ULK4: variants seen among roughly 807,000 people sequenced by gnomAD.
The protein encoded by ULK4 is unc-51 like kinase 4.
ULK4 carries 133 observed loss-of-function variants against 160.6 expected under a neutral mutation model. That is an observed-to-expected ratio of 0.83 (90% CI 0.72 to 0.96). The LOEUF (loss-of-function observed/expected upper bound fraction) is 0.96, where lower values mean the gene tolerates loss of function less well. Among genes scored for constraint, ULK4 ranks in the 40% least tolerant of loss-of-function variants. ULK4 has a pLI of 0.00. For missense variants in ULK4, 1,580 were observed against 1,499.5 expected (o/e 1.05, Z -0.89); for synonymous variants, 534 against 539.8 (o/e 0.99, Z 0.15).
chr3:41,697,678 C>T (rs964472502), intron 27 of ULK4, among the ~76,000 whole-genome samples: 8 of 152,134 alleles, frequency 5.3e-5, no homozygotes, highest in Non-Finnish European at 7.4e-5. Flanking sequence ...CATAGAGTCT[C>T]GCTATGTTGC....
At chr3:41,684,569 C>T (rs1407522437) in intron 27 of ULK4, among the ~76,000 whole-genome samples, 3 of 152,332 alleles carry the variant, frequency 2.0e-5, no homozygotes, top group South Asian at 2.1e-4. Flanking sequence ...CATAAGCACA[C>T]GTTCTTTGTC....
At chr3:41,717,218 A>T (rs1368874733) in intron 23 of ULK4, among the ~76,000 whole-genome samples, 1 of 152,196 alleles carries the variant, frequency 6.6e-6, no homozygotes, top group Non-Finnish European at 1.5e-5. Flanking sequence ...ATCACTATGC[A>T]TTTTATACAT....
chr3:41,938,173 G>T lies in ULK4; in HGVS notation c.163C>A (p.His55Asn). The T allele has an allele frequency of 6.2e-7, 1 of 1,612,746 alleles. No homozygotes were observed. The highest frequency in any genetic ancestry group is 8.5e-7 in the Non-Finnish European group (1 of 1,179,450). Residue 55 changes from histidine (H) to asparagine (N), a missense_variant, in exon 3 of 37, where the codon CAC becomes AAC. By Grantham distance (68) the His-to-Asn change is moderately conservative. Transcript: ENST00000301831. ...NWVRLTREIK[H>N]KNIVTFHEWY... ...TCATGAAAAGTTACAATATTCTTGT[G>T]TTTTATTTCACGGGTGAGACGGACC...
At chr3:41,670,568 T>C (rs771417888) in intron 29 of ULK4, among the ~76,000 whole-genome samples, 2 of 151,994 alleles carry the variant, frequency 1.3e-5, no homozygotes, top group African/African-American at 2.4e-5. Flanking sequence ...TATATATACG[T>C]ATGTATATAT....
Position 41,916,008 on chromosome 3 carries a change from C to A in ULK4, c.772G>T (p.Asp258Tyr), listed in dbSNP as rs769054741. Residue 258 changes from aspartate to tyrosine, a missense_variant, in exon 8 of 37, where the codon GAT (aspartate) becomes TAT (tyrosine). Transcript: ENST00000301831. The part of the protein sequence containing the change: ...KASSDFINLL[D>Y]GLLQRDPQKR... ...TGAGGATCTCTTTGAAGTAACCCAT[C>A]AAGCAAATTAATAAAATCTGAAGAA... 3.8e-6 allele frequency: 6 copies of A among 1,588,884 alleles called. No individual in the cohort carries two copies. The South Asian group carries it at 5.9e-5, about 16-fold the overall frequency.
At chr3:41,466,764 ATATGTATGTGTG>A (rs1385657774) in intron 32 of ULK4, among the ~76,000 whole-genome samples, 3 of 152,152 alleles carry the variant, frequency 2.0e-5, no homozygotes, top group Admixed American at 6.5e-5. Context: ...CTACATGTAT[ATATGTATGTGTG>A]TATATATGTG....
At chr3:41,529,215 T>C (rs752955625) in intron 32 of ULK4, among the ~76,000 whole-genome samples, 1 of 152,206 alleles carries the variant, frequency 6.6e-6, no homozygotes, top group Non-Finnish European at 1.5e-5. Flanking sequence ...GGAGGGAGCA[T>C]TCTTCCTTAT....
chr3:41,724,861 A>C (rs752229990), intron 22 of ULK4, among the ~76,000 whole-genome samples: 6 of 152,206 alleles, frequency 3.9e-5, no homozygotes, highest in Non-Finnish European at 8.8e-5. Flanking sequence ...CTGATGACTA[A>C]TTAGGTTAAG....
At chr3:41,402,834 CAG>C (rs893363017) in intron 34 of ULK4, among the ~76,000 whole-genome samples, 59 of 152,066 alleles carry the variant, frequency 3.9e-4, no homozygotes, top group African/African-American at 1.4e-3. Context: ...AGTTTAGTAT[CAG>C]GGTAATATCA....
intron 22 of ULK4, among the ~76,000 whole-genome samples, chr3:41,718,870 T>A (rs1297915632): frequency 1.3e-5 from 2 of 152,230 alleles, no homozygotes; most frequent in Non-Finnish European, 2.9e-5. Flanking sequence ...TTCCATGTAT[T>A]ACTATTTGCA....
intron 32 of ULK4, among the ~76,000 whole-genome samples, chr3:41,465,403 T>G (rs1310273605): frequency 6.6e-6 from 1 of 152,234 alleles, no homozygotes; most frequent in Non-Finnish European, 1.5e-5. Context: ...AAAGACTCGT[T>G]TTTAACTACA....
intron 17 of ULK4, among the ~76,000 whole-genome samples, chr3:41,857,961 T>C (rs1390023825): frequency 1.3e-5 from 2 of 152,140 alleles, no homozygotes; most frequent in Non-Finnish European, 2.9e-5. Flanking sequence ...CATTTATTTC[T>C]GCTCTGATCT....
At chr3:41,887,351 T>A (rs1697762216) in intron 16 of ULK4, among the ~76,000 whole-genome samples, 1 of 152,244 alleles carries the variant, frequency 6.6e-6, no homozygotes, top group Non-Finnish European at 1.5e-5. Flanking sequence ...ATTACTATAT[T>A]AACAGTTAAC....
intron 32 of ULK4, among the ~76,000 whole-genome samples, chr3:41,517,003 A>G (rs1017219586): frequency 6.6e-6 from 1 of 152,234 alleles, no homozygotes; most frequent in African/African-American, 2.4e-5. Context: ...CAAAGTATAC[A>G]AAGAATCCTT....
rs182440315 is a variant in ULK4, at chr3:41,447,029, A to C, written c.3492+8468T>G. 2.1e-4 allele frequency among the ~76,000 whole-genome samples: 29 copies of C among 135,226 alleles called. No homozygotes were observed. In the East Asian group the frequency reaches 6.7e-3, roughly 31 times the overall value. 88.7% of individuals were successfully genotyped at this position (135,226 alleles called of 152,430 possible). A position where few individuals can be genotyped will look rare whatever the true frequency, so the allele number is the denominator to read the frequency against. ...AACCCGGGAGGTGGAGGTTGCAGTT[A>C]GCCGAGATGGCACCACTGCACTCCA... is the stretch of plus-strand genomic sequence containing the variant. On this transcript the variant is annotated intron_variant, in intron 34 of 36. Coordinates refer to ENST00000301831, the MANE Select transcript of ULK4 (RefSeq NM_017886.4).
At chr3:41,863,072 GAA>G (rs1231880967) in intron 17 of ULK4, among the ~76,000 whole-genome samples, 3 of 151,248 alleles carry the variant, frequency 2.0e-5, no homozygotes, top group African/African-American at 7.3e-5. Flanking sequence ...GGTGGGTCCA[GAA>G]GTGCCATCCA....
chr3:41,453,146 A>G (rs2083460592), intron 34 of ULK4, among the ~76,000 whole-genome samples: 1 of 152,148 alleles, frequency 6.6e-6, no homozygotes, highest in Non-Finnish European at 1.5e-5. Flanking sequence ...AGCACTGGTT[A>G]ACAGTGGTGA....
chr3:41,386,664 A>G (rs935730451), intron 35 of ULK4, among the ~76,000 whole-genome samples: 2 of 152,174 alleles, frequency 1.3e-5, no homozygotes, highest in African/African-American at 4.8e-5. Flanking sequence ...CCTATACTCA[A>G]TTAGTCACCA....
rs1018553105 is a variant in ULK4, at chr3:41,267,345, A to G, written c.3679-17771T>C. Reference sequence around the variant, plus strand: ...ATGTCCCTGCAAAGGACATGATCTTATTCCTTTTTATGGCTGCATAGTACT... The same window carrying G: ...ATGTCCCTGCAAAGGACATGATCTTGTTCCTTTTTATGGCTGCATAGTACT... On this transcript the variant is annotated intron_variant, in intron 35 of 36. Transcript: ENST00000301831. 4.6e-5 allele frequency among the ~76,000 whole-genome samples: 7 copies of G among 152,078 alleles called. No individual in the cohort carries two copies. The East Asian group carries it at 1.4e-3, about 29-fold the overall frequency.
Sources: allele counts gnomAD v4.1 joint callset (sites outside exome capture counted in the v4.1 genomes callset), GRCh38; gene constraint gnomAD v4.1.1; transcripts MANE v1.5; gene names NCBI Gene and HGNC (gene_info 2026-07-23, HGNC 2026-07-21).